The following C11orf21 variants were observed in gnomAD, a reference collection of about 807,000 sequenced individuals.
C11orf21 encodes uncharacterized protein C11orf21.
A neutral mutation model predicts 15.2 loss-of-function variants in C11orf21; 19 were observed. The ratio of observed to expected loss-of-function variants is 1.25; its 90% CI spans 0.87 to 1.84. C11orf21 has a LOEUF of 1.84. C11orf21 is among the 40% of genes most tolerant of loss of function. C11orf21 has a pLI of 0.00. For missense variants in C11orf21, 171 were observed against 174.4 expected (o/e 0.98, Z 0.11); for synonymous variants, 62 against 66.8 (o/e 0.93, Z 0.35).
chr11:2,298,286 G>A (rs1015507941), intron 3 of C11orf21, among the ~76,000 whole-genome samples: 6 of 152,208 alleles, frequency 3.9e-5, no homozygotes, highest in Non-Finnish European at 7.3e-5. Flanking sequence ...CTTGAGCATC[G>A]GGGTCTGGCC....
Position 2,300,583 on chromosome 11 carries a change from A to T in C11orf21, c.84T>A (p.Ser28=), listed in dbSNP as rs369954562. 4.1e-4 allele frequency: 635 copies of T among 1,550,022 alleles called. 4 individuals carry two copies. In the African/African-American group the frequency reaches 8.1e-3, roughly 20 times the overall value. ...SAVPRWPHLS[S]QSGVEPPDRW... is the part of the protein sequence containing the mutation. The stretch of plus-strand genomic sequence containing the variant: ...TGTCAGGGGGTTCGACGCCACTTTG[A>T]GATGACAAGTGAGGCCACCTGGGCA... The change falls in exon 2 of 4, where the codon TCT becomes TCA. Residue 28 remains serine, a synonymous_variant. Transcript: ENST00000381153.
At chr11:2,299,163 C>T (rs1457745562) in intron 3 of C11orf21, among the ~76,000 whole-genome samples, 1 of 152,176 alleles carries the variant, frequency 6.6e-6, no homozygotes, top group African/African-American at 2.4e-5. Context: ...CTAGGGTAAT[C>T]CAGAAGGGGA....
At chr11:2,301,643 T>C in intron 1 of C11orf21, 113 bp downstream of exon 1, 2 of 892,726 alleles carry the variant, frequency 2.2e-6, no homozygotes, top group East Asian at 2.7e-5. Context: ...AAAGGGTGTT[T>C]CCTAAGAACA....
In C11orf21 at chr11:2,300,633, A is replaced by C; in HGVS notation, c.54-20T>G. The stretch of plus-strand genomic sequence containing the variant: ...ACAGCGCTGGTGTGAGAAGGAGGCC[A>C]TCAGGACAGGTCAAGAACCCAGGCC... On this transcript the variant is annotated intron_variant, in intron 1 of 3. Coordinates refer to ENST00000381153, the MANE Select transcript of C11orf21 (RefSeq NM_001329958.2). 1 of 1,550,726 alleles carries C rather than the reference A, an allele frequency of 6.4e-7. No homozygotes were observed.
upstream of C11orf21, chr11:2,302,095 C>G: frequency 6.7e-7 from 1 of 1,486,156 alleles, no homozygotes; most frequent in Non-Finnish European, 8.9e-7. Flanking sequence ...CCCTGCCCAG[C>G]TGGAAACCAC....
chr11:2,297,946 GAGAGA>G (rs1847567514), intron 3 of C11orf21, 25 bp from the exon 4 acceptor site: 1 of 152,222 alleles, frequency 6.6e-6, no homozygotes, highest in Admixed American at 6.5e-5. Flanking sequence ...AGGAGAGAGA[GAGAGA>G]AGAGGGAGCT....
chr11:2,299,716 T>A lies in C11orf21; in HGVS notation c.148-9A>T. 1.9e-6 allele frequency: 3 copies of A among 1,550,584 alleles called. No individual in the cohort carries two copies. Among genetic ancestry groups the A allele is most frequent in the Non-Finnish European group, 2.6e-6 (3 of 1,146,820 alleles). ...ATTGAGCCAGGGGCCTCCTGGTGGG[T>A]AAGGACATTGTAGAGTGAGCGGGCG... On this transcript the variant is annotated splice_polypyrimidine_tract_variant and intron_variant, in intron 2 of 3. Transcript: ENST00000381153.
chr11:2,298,664 C>A (rs1012937174), intron 3 of C11orf21, among the ~76,000 whole-genome samples: 2 of 152,208 alleles, frequency 1.3e-5, no homozygotes, highest in African/African-American at 2.4e-5. Flanking sequence ...TCAGCCCAGG[C>A]TGGGGTGGCC....
At chr11:2,301,511 C>A (rs74048220) in intron 1 of C11orf21, 1 of 438,990 alleles carries the variant, frequency 2.3e-6, no homozygotes, top group South Asian at 3.9e-5. Context: ...TGAGTGTGAG[C>A]GAGGCCCCAG....
At chr11:2,299,763 C>G in intron 2 of C11orf21, 56 bp from the exon 3 acceptor site, 1 of 1,542,888 alleles carries the variant, frequency 6.5e-7, no homozygotes, top group South Asian at 1.2e-5. Flanking sequence ...CAGGAATTCA[C>G]AGGAAGGAGA....
chr11:2,302,958 G>A (rs748434290), upstream of C11orf21: 31 of 1,612,774 alleles, frequency 1.9e-5, 1 homozygote, highest in Admixed American at 3.7e-4. Flanking sequence ...GCACCAATGG[G>A]GTAAGTGAGG....
chr11:2,302,341 C>A, upstream of C11orf21: 2 of 1,086,678 alleles, frequency 1.8e-6, no homozygotes, highest in Non-Finnish European at 2.4e-6. Context: ...CCCTGTCCTG[C>A]CCTTGCAGAC....
At chr11:2,298,138 T>C (rs1236289943) in intron 3 of C11orf21, among the ~76,000 whole-genome samples, 1 of 152,196 alleles carries the variant, frequency 6.6e-6, no homozygotes, top group African/African-American at 2.4e-5. Context: ...ACACTGACAC[T>C]GAACCCGCCT....
chr11:2,300,894 C>T, intron 1 of C11orf21: 1 of 821,298 alleles, frequency 1.2e-6, no homozygotes, highest in East Asian at 2.7e-5. Flanking sequence ...GCCACCCCTA[C>T]ATTCATACCT....
At position 2,299,542 on chromosome 11, in the gene C11orf21, G is replaced by A. The variant is rs1296347606; in HGVS notation, c.313C>T (p.Leu105=). ...GCTTCTAAGTCCAAGTCCCATCCCAGCCGGATAGCCAGGGGCAACTGCCCA... is the reference window on the plus strand; with the variant it reads ...GCTTCTAAGTCCAAGTCCCATCCCAACCGGATAGCCAGGGGCAACTGCCCA... ...LPGQLPLAIR[L]GWDLDLEAGP... is the part of the protein sequence containing the mutation. Residue 105 remains leucine, a synonymous_variant, in exon 3 of 4, where the codon CTG becomes TTG. Transcript: ENST00000381153. 20 of 1,550,564 alleles carry A rather than the reference G, an allele frequency of 1.3e-5. No homozygotes were observed. The East Asian group carries it at 4.9e-4, about 38-fold the overall frequency.
At chr11:2,300,843 G>C in intron 1 of C11orf21, 1 of 1,397,102 alleles carries the variant, frequency 7.2e-7, no homozygotes, top group South Asian at 1.2e-5. Flanking sequence ...TGCACAGCCC[G>C]GGGGCCTCCT....
At chr11:2,302,943 G>C (rs145905096), upstream of C11orf21, 45 of 1,613,446 alleles carry the variant, frequency 2.8e-5, no homozygotes, top group African/African-American at 5.3e-4. Context: ...CCCGTACCAG[G>C]CTGTGCACCA....
chr11:2,303,008 G>C, upstream of C11orf21: 1 of 1,533,934 alleles, frequency 6.5e-7, no homozygotes, highest in Non-Finnish European at 9.0e-7. Context: ...CGGGTGCAAG[G>C]GTGGCTGGCA....
chr11:2,302,039 G>A (rs1847780662), upstream of C11orf21: 1 of 1,494,564 alleles, frequency 6.7e-7, no homozygotes, highest in African/African-American at 1.4e-5. Context: ...ACAGACAGAG[G>A]GGCGGATGCA....
Sources: gnomAD v4.1 joint callset for allele counts (sites outside exome capture counted in the v4.1 genomes callset) on GRCh38, gnomAD v4.1.1 for gene constraint, MANE v1.5 for transcripts, NCBI Gene and HGNC (gene_info 2026-07-23, HGNC 2026-07-21) for gene names.